ZFAND1: variants seen among roughly 807,000 people sequenced by gnomAD.
ZFAND1 encodes the protein zinc finger AN1-type containing 1, also known as AN1-type zinc finger protein 1.
Under a neutral mutation model 38.5 loss-of-function variants are expected in ZFAND1, and 40 were observed. That is an observed-to-expected ratio of 1.04 (90% CI 0.81 to 1.35). The LOEUF (loss-of-function observed/expected upper bound fraction) is 1.35. Among genes scored for constraint, ZFAND1 ranks in the 40% most tolerant of loss-of-function variants. The pLI, the probability that ZFAND1 is intolerant of heterozygous loss-of-function variation, is 0.00. For missense variants in ZFAND1, 346 were observed against 316.3 expected (o/e 1.09, Z -0.71); for synonymous variants, 117 against 103.6 (o/e 1.13, Z -0.78).
chr8:81,715,246 T>C (rs1409204257), intron 3 of ZFAND1, 132 bp from the exon 4 acceptor site: 6 of 871,282 alleles, frequency 6.9e-6, no homozygotes, highest in Non-Finnish European at 1.0e-5. Flanking sequence ...TCTCAAAGAT[T>C]ATAAAGAATG....
At chr8:81,711,593 CG>C (rs1808143084) in intron 6 of ZFAND1, among the ~76,000 whole-genome samples, 1 of 151,578 alleles carries the variant, frequency 6.6e-6, no homozygotes, top group Non-Finnish European at 1.5e-5. Context: ...GAAAACACTA[CG>C]AAAAAATAAG....
At chr8:81,710,918 C>T (rs1349203711) in intron 6 of ZFAND1, among the ~76,000 whole-genome samples, 1 of 152,108 alleles carries the variant, frequency 6.6e-6, no homozygotes, top group Non-Finnish European at 1.5e-5. Flanking sequence ...AAATTAAGTA[C>T]ACACATATAC....
rs1261701622 is a variant in ZFAND1, at chr8:81,715,061, G to A, written c.192C>T (p.Cys64=). ...LKTDQHTSYP[C]SFKDCAEREL... ...CTCTCTCAGCACAGTCTTTGAAAGA[G>A]CATGGGTAAGATGTATGTTGATCTG... The change falls in exon 4 of 8, where the codon TGC becomes TGT. Residue 64 remains cysteine (C), a synonymous_variant. Transcript: ENST00000220669. 3 of 1,614,050 alleles carry A rather than the reference G, an allele frequency of 1.9e-6. No homozygotes were observed. The East Asian group carries it at 6.7e-5, about 36-fold the overall frequency.
chr8:81,717,849 G>A (rs1808362047), intron 2 of ZFAND1, among the ~76,000 whole-genome samples: 1 of 151,940 alleles, frequency 6.6e-6, no homozygotes, highest in Admixed American at 6.6e-5. Flanking sequence ...GGCATTTATA[G>A]GTTGGGCTCT....
intron 1 of ZFAND1, among the ~76,000 whole-genome samples, chr8:81,719,161 A>G (rs980943956): frequency 6.6e-6 from 1 of 152,080 alleles, no homozygotes; most frequent in African/African-American, 2.4e-5. Context: ...TTTTGAGTAT[A>G]CTCAACTCAG....
chr8:81,714,065 A>T, intron 5 of ZFAND1, 26 bp from the exon 6 acceptor site: 1 of 1,560,524 alleles, frequency 6.4e-7, no homozygotes, highest in Non-Finnish European at 8.6e-7. Context: ...ATGTAATCAC[A>T]TAAAACTTTC....
chr8:81,704,306 G>A (rs949663988), intron 6 of ZFAND1, among the ~76,000 whole-genome samples: 40 of 152,098 alleles, frequency 2.6e-4, no homozygotes, highest in African/African-American at 9.7e-4. Flanking sequence ...GGAGGTTAAG[G>A]CAGGCAAATT....
chr8:81,706,397 A>G (rs1807986238), intron 6 of ZFAND1, among the ~76,000 whole-genome samples: 1 of 142,444 alleles, frequency 7.0e-6, no homozygotes, highest in African/African-American at 2.5e-5. Context: ...AAAAAAAAGA[A>G]GTGTTGGTAA....
chr8:81,714,669 G>A, intron 5 of ZFAND1, 135 bp downstream of exon 5: 1 of 759,858 alleles, frequency 1.3e-6, no homozygotes, highest in Non-Finnish European at 2.1e-6. Flanking sequence ...ACTGTCACAA[G>A]AATATCATCA....
chr8:81,702,131 T>A lies in ZFAND1; in HGVS notation c.*564A>T, dbSNP rs181067151. 3.9e-5 allele frequency: 6 copies of A among 152,286 alleles called. No homozygotes were observed. The highest frequency in any genetic ancestry group is 2.0e-4 in the Admixed American group (3 of 15,298). 9.4% of individuals were successfully genotyped at this position (152,286 alleles called of 1,614,324 possible). On this transcript the variant is annotated 3_prime_UTR_variant, in exon 8 of 8. Coordinates refer to ENST00000220669, the MANE Select transcript of ZFAND1 (RefSeq NM_024699.3). The stretch of plus-strand genomic sequence containing the variant: ...TAAAAATTATAAGACTGAATAAAGA[T>A]CACTTCTAAGTTTCTATAATTCATG...
At chr8:81,709,758 T>C (rs558255344) in intron 6 of ZFAND1, among the ~76,000 whole-genome samples, 2 of 152,278 alleles carry the variant, frequency 1.3e-5, no homozygotes, top group South Asian at 2.1e-4. Flanking sequence ...CTTTATGATA[T>C]ATTGTTAAGT....
At chr8:81,712,995 C>A (rs1255994827) in intron 6 of ZFAND1, among the ~76,000 whole-genome samples, 1 of 152,134 alleles carries the variant, frequency 6.6e-6, no homozygotes, top group Non-Finnish European at 1.5e-5. Context: ...AGCCCATAAT[C>A]CAGGTTTTCT....
chr8:81,714,527 C>T (rs904758670), intron 5 of ZFAND1: 3 of 378,544 alleles, frequency 7.9e-6, no homozygotes, highest in Non-Finnish European at 1.5e-5. Flanking sequence ...ACTTCAATCT[C>T]ATGAATACCA....
intron 6 of ZFAND1, among the ~76,000 whole-genome samples, chr8:81,710,153 C>A (rs1024935874): frequency 7.9e-5 from 12 of 152,162 alleles, no homozygotes; most frequent in Non-Finnish European, 1.6e-4. Context: ...CACCCCATTC[C>A]CAACTGTGAC....
chr8:81,714,201 A>G (rs1021301402), intron 5 of ZFAND1, 162 bp from the exon 6 acceptor site: 2 of 621,332 alleles, frequency 3.2e-6, no homozygotes, highest in African/African-American at 1.9e-5. Flanking sequence ...TACATTGTCA[A>G]TGGAAAAATA....
At chr8:81,706,081 G>A (rs938210695) in intron 6 of ZFAND1, among the ~76,000 whole-genome samples, 2 of 151,932 alleles carry the variant, frequency 1.3e-5, no homozygotes, top group Non-Finnish European at 2.9e-5. Context: ...AAATCCACAC[G>A]TAGAAACATT....
At chr8:81,707,842 A>C (rs558295367) in intron 6 of ZFAND1, among the ~76,000 whole-genome samples, 1 of 152,254 alleles carries the variant, frequency 6.6e-6, no homozygotes, top group Non-Finnish European at 1.5e-5. Context: ...TAAAACATAG[A>C]TAACTTATTA....
At chr8:81,718,359 T>C (rs917450516) in intron 1 of ZFAND1, 135 bp from the exon 2 acceptor site, 11 of 507,090 alleles carry the variant, frequency 2.2e-5, no homozygotes, top group African/African-American at 2.2e-4. Context: ...ATGTAACCAC[T>C]CTAACAAAAT....
chr8:81,706,366 G>GAAAAAA (rs1563603916), intron 6 of ZFAND1, among the ~76,000 whole-genome samples: 1 of 6,838 alleles, frequency 1.5e-4, no homozygotes. Flanking sequence ...TAAGGAAGGA[G>GAAAAAA]AAACAAAAAA....
Sources: allele counts gnomAD v4.1 joint callset (sites outside exome capture counted in the v4.1 genomes callset), GRCh38; gene constraint gnomAD v4.1.1; transcripts MANE v1.5; gene names NCBI Gene and HGNC (gene_info 2026-07-23, HGNC 2026-07-21).